Variants in PDE4D observed in about 807,000 individuals in gnomAD.
PDE4D encodes 3',5'-cyclic-AMP phosphodiesterase 4D.
Under a neutral mutation model 87.4 loss-of-function variants are expected in PDE4D, and 24 were observed. The observed-to-expected ratio is 0.27, with a 90% CI of 0.20 to 0.39. The LOEUF (loss-of-function observed/expected upper bound fraction) is 0.39. Among genes scored for constraint, PDE4D ranks in the 10% least tolerant of loss-of-function variants. The probability of loss-of-function intolerance (pLI) is 1.00; values close to 1 mark genes in which losing one functional copy is unlikely to be tolerated. For synonymous variants in PDE4D, 384 were observed against 383.2 expected, an observed-to-expected ratio of 1.00 and a Z score of -0.02; for missense variants, 714 against 1,041.0, an observed-to-expected ratio of 0.69 and a Z score of 4.32.
intron 1 of PDE4D, among the ~76,000 whole-genome samples, chr5:59,515,243 T>C (rs530015262): frequency 6.6e-6 from 1 of 152,364 alleles, no homozygotes; most frequent in Admixed American, 6.5e-5. Flanking sequence ...AAGTAAAGAA[T>C]GCTTGTTCTC....
chr5:59,235,450 G>A (rs1004705574), intron 1 of PDE4D, among the ~76,000 whole-genome samples: 2 of 151,952 alleles, frequency 1.3e-5, no homozygotes, highest in African/African-American at 2.4e-5. Flanking sequence ...ATCCTTATTT[G>A]CTGAAGAAAA....
intron 1 of PDE4D, among the ~76,000 whole-genome samples, chr5:60,216,823 G>A (rs749928051): frequency 5.3e-5 from 8 of 151,986 alleles, no homozygotes; most frequent in Non-Finnish European, 1.0e-4. Context: ...AAGAAAAATA[G>A]ACAGTTCTAT....
intron 1 of PDE4D, among the ~76,000 whole-genome samples, chr5:59,343,188 A>T (rs745596315): frequency 6.6e-6 from 1 of 152,088 alleles, no homozygotes; most frequent in South Asian, 2.1e-4. Context: ...CACACTTATA[A>T]GTGACCACAT....
chr5:59,008,782 A>G (rs1234034974), intron 6 of PDE4D, among the ~76,000 whole-genome samples: 1 of 152,112 alleles, frequency 6.6e-6, no homozygotes, highest in African/African-American at 2.4e-5. Flanking sequence ...AAACAGAACA[A>G]CAAGCCACAG....
intron 1 of PDE4D, among the ~76,000 whole-genome samples, chr5:59,746,846 G>A (rs1759684269): frequency 6.6e-6 from 1 of 151,582 alleles, no homozygotes; most frequent in African/African-American, 2.4e-5. Context: ...TAGTGAAGTA[G>A]GAGTCTTTCT....
At chr5:59,733,830 C>T (rs1757720799) in intron 1 of PDE4D, among the ~76,000 whole-genome samples, 1 of 151,836 alleles carries the variant, frequency 6.6e-6, no homozygotes, top group Non-Finnish European at 1.5e-5. Context: ...TTAGAAAATA[C>T]CAATTTTATT....
chr5:59,241,893 A>T (rs1757757288), intron 1 of PDE4D, among the ~76,000 whole-genome samples: 1 of 152,210 alleles, frequency 6.6e-6, no homozygotes, highest in Non-Finnish European at 1.5e-5. Flanking sequence ...AATAGCCACA[A>T]ATTGAATAGT....
intron 1 of PDE4D, among the ~76,000 whole-genome samples, chr5:59,550,342 T>C (rs1169979005): frequency 6.6e-6 from 1 of 152,134 alleles, no homozygotes; most frequent in Non-Finnish European, 1.5e-5. Flanking sequence ...TAAACATTGA[T>C]GTAACTAAAT....
At chr5:60,106,447 A>C (rs1404301164) in intron 2 of PDE4D, among the ~76,000 whole-genome samples, 13 of 152,162 alleles carry the variant, frequency 8.5e-5, no homozygotes, top group Admixed American at 2.6e-4. Flanking sequence ...TAGACAGATC[A>C]ACGAGACAGA....
chr5:58,999,551 ATG>A (rs1554041365), intron 6 of PDE4D: 2 of 1,118,034 alleles, frequency 1.8e-6, no homozygotes, highest in Non-Finnish European at 2.4e-6. Context: ...GATTGATTAT[ATG>A]TATATATATA....
At chr5:59,968,392 A>G (rs1483048351) in intron 3 of PDE4D, among the ~76,000 whole-genome samples, 1 of 152,114 alleles carries the variant, frequency 6.6e-6, no homozygotes, top group East Asian at 1.9e-4. Context: ...GGACATATGT[A>G]TAAATATGGG....
At chr5:60,219,187 C>T (rs189015535) in intron 1 of PDE4D, among the ~76,000 whole-genome samples, 11 of 152,208 alleles carry the variant, frequency 7.2e-5, no homozygotes, top group African/African-American at 2.6e-4. Flanking sequence ...CCTTATCAAC[C>T]TAATTAGATG....
intron 3 of PDE4D, among the ~76,000 whole-genome samples, chr5:59,930,730 A>G (rs2152787666): frequency 6.6e-6 from 1 of 152,310 alleles, no homozygotes; most frequent in Admixed American, 6.5e-5. Flanking sequence ...CCCATTGCTC[A>G]AGGAGAGAAA....
At chr5:60,375,335 CT>C (rs1320094692) in intron 1 of PDE4D, among the ~76,000 whole-genome samples, 4 of 152,260 alleles carry the variant, frequency 2.6e-5, no homozygotes, top group South Asian at 2.1e-4. Flanking sequence ...CTCCCTACCC[CT>C]ATTTGTCTTT....
At chr5:59,398,155 G>C (rs1335401813) in intron 1 of PDE4D, among the ~76,000 whole-genome samples, 18 of 143,690 alleles carry the variant, frequency 1.3e-4, no homozygotes, top group Non-Finnish European at 2.6e-4. Context: ...AGAGGTACAA[G>C]GAGGAACTGG....
intron 1 of PDE4D, among the ~76,000 whole-genome samples, chr5:60,202,631 G>C (rs572136029): frequency 2.0e-5 from 3 of 151,982 alleles, no homozygotes; most frequent in Middle Eastern, 3.4e-3. Context: ...CCAGTAGAGA[G>C]AGAGAAAATA....
chr5:59,602,639 C>T (rs1827673989), intron 1 of PDE4D, among the ~76,000 whole-genome samples: 1 of 151,842 alleles, frequency 6.6e-6, no homozygotes, highest in Non-Finnish European at 1.5e-5. Context: ...TCATTATAAG[C>T]CCTATCAAAA....
At chr5:59,127,612 C>A (rs1349581688) in intron 5 of PDE4D, among the ~76,000 whole-genome samples, 1 of 105,108 alleles carries the variant, frequency 9.5e-6, no homozygotes, top group Non-Finnish European at 2.3e-5. Flanking sequence ...CCCACCCCCC[C>A]ACCCCCCACC....
At chr5:60,267,469 G>A (rs1750337000) in intron 1 of PDE4D, among the ~76,000 whole-genome samples, 1 of 152,164 alleles carries the variant, frequency 6.6e-6, no homozygotes, top group Non-Finnish European at 1.5e-5. Flanking sequence ...GAGCTTGACT[G>A]GAAGCAGACA....
Sources: allele counts gnomAD v4.1 joint callset (sites outside exome capture counted in the v4.1 genomes callset), GRCh38; gene constraint gnomAD v4.1.1; transcripts MANE v1.5; gene names NCBI Gene and HGNC (gene_info 2026-07-23, HGNC 2026-07-21).